Variants in CCDC167 observed in about 807,000 individuals in gnomAD.
The protein encoded by CCDC167 is coiled-coil domain-containing protein 167.
A neutral mutation model predicts 12.7 loss-of-function variants in CCDC167; 15 were observed. That is an observed-to-expected ratio of 1.18 (90% CI 0.79 to 1.81). The LOEUF (loss-of-function observed/expected upper bound fraction) is 1.81. Among genes scored for constraint, CCDC167 ranks in the 40% most tolerant of loss-of-function variants. The pLI is 0.00. For synonymous variants in CCDC167, 52 were observed against 49.0 expected (o/e 1.06, Z -0.26); for missense variants, 121 against 120.1 (o/e 1.01, Z -0.03).
At position 37,489,856 on chromosome 6, in the gene CCDC167, AG is replaced by A. The variant is rs535771143; in HGVS notation, c.43-4663del. On this transcript the variant is annotated intron_variant, in intron 1 of 3. Coordinates refer to ENST00000373408, the MANE Select transcript of CCDC167 (RefSeq NM_138493.3). ...GGGCCAGGACTTGCCTGGAGCTATC[AG>A]GGGGCAGCACTTACGGCTGTGACTG... 3.6e-3 allele frequency among the ~76,000 whole-genome samples: 555 copies of A among 152,296 alleles called. 5 individuals are homozygous for A. Among genetic ancestry groups the A allele is most frequent in the African/African-American group, 0.013 (529 of 41,552 alleles).
chr6:37,492,415 A>G (rs1336822648), intron 1 of CCDC167, among the ~76,000 whole-genome samples: 1 of 152,210 alleles, frequency 6.6e-6, no homozygotes, highest in Non-Finnish European at 1.5e-5. Context: ...GCCCTCATTG[A>G]AATTTGTTTG....
At chr6:37,496,302 G>A (rs1762098398) in intron 1 of CCDC167, among the ~76,000 whole-genome samples, 1 of 151,984 alleles carries the variant, frequency 6.6e-6, no homozygotes, top group South Asian at 2.1e-4. Context: ...GCATGGTGGT[G>A]CACGCCTGTA....
At position 37,483,281 on chromosome 6, in the gene CCDC167, G is replaced by T. The variant is rs766884902; in HGVS notation, c.199C>A (p.Leu67Met). The T allele has an allele frequency of 6.2e-7, 1 of 1,613,350 alleles. No homozygotes were observed. The highest frequency in any genetic ancestry group is 1.1e-5 in the South Asian group (1 of 91,070). The stretch of plus-strand genomic sequence containing the variant: ...CGGTTCTCTTGCCGAAGAAACTTCA[G>T]TTCCTTCTCTGGGAGGAAAGAGGGT... ...MNKASNYEKE[L>M]KFLRQENRKN... Residue 67 changes from leucine to methionine, a missense_variant, in exon 4 of 4, where the codon CTG (leucine) becomes ATG (methionine). By Grantham distance (15) the Leu-to-Met change is conservative. Coordinates refer to ENST00000373408, the MANE Select transcript of CCDC167 (RefSeq NM_138493.3).
At chr6:37,489,104 C>T (rs907990922) in intron 1 of CCDC167, among the ~76,000 whole-genome samples, 5 of 152,110 alleles carry the variant, frequency 3.3e-5, no homozygotes, top group East Asian at 1.9e-4. Context: ...GGCGTGGTGG[C>T]GCACGCCTGT....
At chr6:37,486,659 G>A (rs1194233006) in intron 1 of CCDC167, among the ~76,000 whole-genome samples, 2 of 152,200 alleles carry the variant, frequency 1.3e-5, no homozygotes, top group African/African-American at 4.8e-5. Context: ...TTAATTGCCT[G>A]GTTAATTGTG....
chr6:37,483,476 G>A (rs1761897786), intron 3 of CCDC167, among the ~76,000 whole-genome samples, 187 bp from the exon 4 acceptor site: 1 of 152,216 alleles, frequency 6.6e-6, no homozygotes, highest in South Asian at 2.1e-4. Context: ...TGGCTATAGA[G>A]CCAGCCTGAT....
At chr6:37,486,845 G>C (rs561847739) in intron 1 of CCDC167, among the ~76,000 whole-genome samples, 1 of 151,996 alleles carries the variant, frequency 6.6e-6, no homozygotes, top group African/African-American at 2.4e-5. Context: ...CAGTGCCTCA[G>C]GCCACCATGT....
intron 1 of CCDC167, among the ~76,000 whole-genome samples, chr6:37,497,211 C>G (rs1204806524): frequency 6.6e-6 from 1 of 152,196 alleles, no homozygotes; most frequent in Non-Finnish European, 1.5e-5. Context: ...ACAGTTGGTT[C>G]TTGTTGTTCC....
intron 1 of CCDC167, among the ~76,000 whole-genome samples, chr6:37,493,854 C>T (rs1478225328): frequency 6.6e-6 from 1 of 152,194 alleles, no homozygotes; most frequent in African/African-American, 2.4e-5. Flanking sequence ...TGGGAGGTTC[C>T]CCTGAGCCCT....
In CCDC167 at chr6:37,498,698, G is replaced by C. The variant is rs144921345; in HGVS notation, c.42+1124C>G. Among the ~76,000 whole-genome samples, 802 of 152,182 alleles carry C rather than the reference G, an allele frequency of 5.3e-3. 15 individuals carry two copies. The highest frequency in any genetic ancestry group is 0.018 in the African/African-American group (757 of 41,522). On this transcript the variant is annotated intron_variant, in intron 1 of 3. Transcript: ENST00000373408. ...AAATTAGCCAGGCATGGTGGCACGT[G>C]CCTGTAATCCCAGCTACTCGGGAGG... is the stretch of plus-strand genomic sequence containing the variant.
At chr6:37,488,731 C>CA (rs1200723938) in intron 1 of CCDC167, among the ~76,000 whole-genome samples, 1 of 152,212 alleles carries the variant, frequency 6.6e-6, no homozygotes, top group Non-Finnish European at 1.5e-5. Context: ...TCAGTTGACT[C>CA]ACGTGTAAAA....
At chr6:37,491,401 G>A (rs956179554) in intron 1 of CCDC167, among the ~76,000 whole-genome samples, 12 of 152,254 alleles carry the variant, frequency 7.9e-5, no homozygotes, top group South Asian at 2.1e-4. Flanking sequence ...AGGCACCCCC[G>A]GGGCCTGGTG....
chr6:37,492,659 C>T (rs912899684), intron 1 of CCDC167, among the ~76,000 whole-genome samples: 4 of 152,240 alleles, frequency 2.6e-5, no homozygotes, highest in African/African-American at 9.6e-5. Context: ...TAATTCACAG[C>T]CTGGAGAGTG....
At chr6:37,494,636 A>G (rs1414924104) in intron 1 of CCDC167, among the ~76,000 whole-genome samples, 1 of 152,136 alleles carries the variant, frequency 6.6e-6, no homozygotes, top group Non-Finnish European at 1.5e-5. Flanking sequence ...TTTGTTGATA[A>G]AAGGGACAGT....
chr6:37,483,401 A>G (rs1270333284), intron 3 of CCDC167, 112 bp from the exon 4 acceptor site: 3 of 702,664 alleles, frequency 4.3e-6, no homozygotes, highest in Non-Finnish European at 7.8e-6. Flanking sequence ...GCACCCTTCC[A>G]GCCACCTCCT....
chr6:37,490,644 G>C (rs758959280), intron 1 of CCDC167, among the ~76,000 whole-genome samples: 8 of 152,242 alleles, frequency 5.3e-5, no homozygotes, highest in Non-Finnish European at 1.0e-4. Context: ...CTCCACAGAG[G>C]GGGTGTTCTG....
At chr6:37,489,466 C>T (rs1761987827) in intron 1 of CCDC167, among the ~76,000 whole-genome samples, 1 of 152,188 alleles carries the variant, frequency 6.6e-6, no homozygotes, top group Non-Finnish European at 1.5e-5. Flanking sequence ...GGGAACCTTG[C>T]GATCCTTCCC....
chr6:37,485,572 C>T (rs113563481), intron 1 of CCDC167, among the ~76,000 whole-genome samples: 2 of 152,378 alleles, frequency 1.3e-5, no homozygotes, highest in African/African-American at 4.8e-5. Flanking sequence ...AACCAGAACC[C>T]TGAACACGGC....
At chr6:37,493,951 C>G (rs985403096) in intron 1 of CCDC167, among the ~76,000 whole-genome samples, 1 of 152,056 alleles carries the variant, frequency 6.6e-6, no homozygotes, top group Non-Finnish European at 1.5e-5. Flanking sequence ...ACTGCAGTGG[C>G]TGGCACCATA....
Sources: allele counts gnomAD v4.1 joint callset (sites outside exome capture counted in the v4.1 genomes callset), GRCh38; gene constraint gnomAD v4.1.1; transcripts MANE v1.5; gene names NCBI Gene and HGNC (gene_info 2026-07-23, HGNC 2026-07-21).